Variants in DAB1 observed in about 807,000 individuals in gnomAD.
DAB1 encodes DAB adaptor protein 1, also known as disabled homolog 1.
In DAB1, 15 loss-of-function variants were observed where a neutral mutation model predicts 64.6. The ratio of observed to expected loss-of-function variants is 0.23; its 90% confidence interval spans 0.16 to 0.36. The LOEUF is 0.36. Ranked by LOEUF, DAB1 falls within the 10% of genes least tolerant of loss-of-function variation. DAB1 has a pLI of 1.00. For synonymous variants in DAB1, 235 were observed against 251.9 expected (o/e 0.93, Z 0.64); for missense variants, 596 against 706.7 (o/e 0.84, Z 1.78).
chr1:58,127,355 A>G (rs1653180426), intron 5 of DAB1, among the ~76,000 whole-genome samples: 1 of 151,910 alleles, frequency 6.6e-6, no homozygotes, highest in African/African-American at 2.4e-5. Flanking sequence ...GATTCTGGAT[A>G]TTAGCCCTTT....
At chr1:58,318,979 T>G (rs1662620433) in intron 4 of DAB1, among the ~76,000 whole-genome samples, 1 of 152,234 alleles carries the variant, frequency 6.6e-6, no homozygotes, top group African/African-American at 2.4e-5. Context: ...GATGACCAAT[T>G]TGCAAGAAAA....
chr1:57,328,614 C>T (rs900079800), intron 1 of DAB1, among the ~76,000 whole-genome samples: 1 of 152,128 alleles, frequency 6.6e-6, no homozygotes, highest in Non-Finnish European at 1.5e-5. Context: ...GACAGTAAGA[C>T]CTGCATAAAG....
At chr1:57,163,311 G>A (rs1198154358) in intron 2 of DAB1, among the ~76,000 whole-genome samples, 1 of 152,152 alleles carries the variant, frequency 6.6e-6, no homozygotes, top group African/African-American at 2.4e-5. Flanking sequence ...TAGACAGGCT[G>A]GTCCATGAAG....
chr1:58,395,493 T>C (rs977269224), intron 3 of DAB1, among the ~76,000 whole-genome samples: 2 of 152,212 alleles, frequency 1.3e-5, no homozygotes, highest in Admixed American at 1.3e-4. Flanking sequence ...ACGCTTCTGC[T>C]GGTTTGGCTA....
chr1:58,146,346 T>C lies in DAB1; in HGVS notation n.387+4165A>G, dbSNP rs114236559. Among the ~76,000 whole-genome samples the C allele has an allele frequency of 7.8e-3, 1,185 of 152,314 alleles. 16 individuals carry two copies. Among genetic ancestry groups the C allele is most frequent in the African/African-American group, 0.028 (1,148 of 41,562 alleles). On this transcript the variant is annotated intron_variant and non_coding_transcript_variant, in intron 5 of 20. Transcript: ENST00000485760. ...ACCTCAAATAGTTACCGTGTGTGTG[T>C]GCATGTATGTGTGTGAGGAACACCC...
intron 1 of DAB1, among the ~76,000 whole-genome samples, chr1:57,316,129 AG>A (rs1305204491): frequency 6.6e-6 from 1 of 152,206 alleles, no homozygotes; most frequent in Non-Finnish European, 1.5e-5. Context: ...TGAATCTATA[AG>A]GCAGAGGAAA....
intron 6 of DAB1, among the ~76,000 whole-genome samples, chr1:57,815,768 C>T (rs992061916): frequency 1.6e-4 from 25 of 151,976 alleles, no homozygotes; most frequent in African/African-American, 5.8e-4. Flanking sequence ...GCTTGACCCC[C>T]GAAACGTCTG....
chr1:58,015,634 T>A (rs1646728155), intron 5 of DAB1, among the ~76,000 whole-genome samples: 1 of 152,198 alleles, frequency 6.6e-6, no homozygotes, highest in Non-Finnish European at 1.5e-5. Flanking sequence ...CCTCTCAAAA[T>A]GATTTAACCA....
chr1:57,399,741 T>G (rs1296939483), intron 1 of DAB1, among the ~76,000 whole-genome samples: 1 of 152,240 alleles, frequency 6.6e-6, no homozygotes, highest in Admixed American at 6.5e-5. Flanking sequence ...GCTACACAGC[T>G]TGGACTGACT....
chr1:57,334,166 G>T (rs1366232780), intron 1 of DAB1, among the ~76,000 whole-genome samples: 6 of 152,212 alleles, frequency 3.9e-5, no homozygotes, highest in African/African-American at 1.4e-4. Context: ...ATGGAGGCCA[G>T]GCTAAGACTG....
chr1:57,504,456 T>C (rs1417338121), intron 7 of DAB1, among the ~76,000 whole-genome samples: 1 of 152,116 alleles, frequency 6.6e-6, no homozygotes, highest in Non-Finnish European at 1.5e-5. Context: ...TGGTAAATAT[T>C]GCAACAATTT....
chr1:57,652,618 G>A (rs990625923), intron 6 of DAB1, among the ~76,000 whole-genome samples: 2 of 152,084 alleles, frequency 1.3e-5, no homozygotes, highest in African/African-American at 4.8e-5. Context: ...TGTAAAATTG[G>A]AAGAAACGTC....
chr1:58,443,995 G>T (rs1645039678), intron 3 of DAB1, among the ~76,000 whole-genome samples: 1 of 152,152 alleles, frequency 6.6e-6, no homozygotes, highest in African/African-American at 2.4e-5. Flanking sequence ...GTCCCACTCA[G>T]ATGCTTTTGT....
rs147235915 is a variant in DAB1, at chr1:58,022,513, T to C, written n.387+127998A>G. On this transcript the variant is annotated intron_variant and non_coding_transcript_variant, in intron 5 of 20. Coordinates refer to the DAB1 transcript ENST00000485760. ...GTCCCTTTTCCACTGTGCACTTCAA[T>C]AGAGGATGAGACTAAATGACCTCTA... Among the ~76,000 whole-genome samples, 14 of 152,234 alleles carry C rather than the reference T, an allele frequency of 9.2e-5. No individual in the cohort carries two copies. The East Asian group carries it at 2.5e-3, about 27-fold the overall frequency.
At chr1:57,656,593 C>T (rs1184956930) in intron 6 of DAB1, among the ~76,000 whole-genome samples, 3 of 152,138 alleles carry the variant, frequency 2.0e-5, no homozygotes, top group Non-Finnish European at 2.9e-5. Flanking sequence ...TTGGAATAAG[C>T]CCAAAGTTCT....
intron 2 of DAB1, among the ~76,000 whole-genome samples, chr1:57,253,188 C>T (rs1057459482): frequency 7.9e-5 from 12 of 152,122 alleles, no homozygotes; most frequent in African/African-American, 2.9e-4. Context: ...GCAAGCTCTG[C>T]CTATGGATGT....
intron 3 of DAB1, among the ~76,000 whole-genome samples, chr1:58,393,120 C>CT (rs34546253): frequency 0.026 from 3,032 of 117,064 alleles, 87 homozygotes; most frequent in African/African-American, 0.076. Flanking sequence ...ACTTCCAAAT[C>CT]TTTTTTTTTT....
chr1:57,013,924 A>G (rs958926073), intron 12 of DAB1, among the ~76,000 whole-genome samples: 3 of 152,320 alleles, frequency 2.0e-5, no homozygotes, highest in Non-Finnish European at 4.4e-5. Context: ...TGCTCATCCA[A>G]GCCAATTCAC....
intron 5 of DAB1, among the ~76,000 whole-genome samples, chr1:58,116,749 G>A (rs1025067604): frequency 1.3e-5 from 2 of 152,068 alleles, no homozygotes; most frequent in Non-Finnish European, 2.9e-5. Context: ...CTATAATTCA[G>A]TTCTTTAATT....
Sources: gnomAD v4.1 joint callset for allele counts (sites outside exome capture counted in the v4.1 genomes callset) on GRCh38, gnomAD v4.1.1 for gene constraint, MANE v1.5 for transcripts, NCBI Gene and HGNC (gene_info 2026-07-23, HGNC 2026-07-21) for gene names.